Variants in MYT1L observed in about 807,000 individuals in gnomAD.
The protein encoded by MYT1L is myelin transcription factor 1 like, also known as myelin transcription factor 1-like protein.
Under a neutral mutation model 126.7 loss-of-function variants are expected in MYT1L, and 12 were observed. The ratio of observed to expected loss-of-function variants is 0.09; its 90% CI spans 0.06 to 0.15. MYT1L has a LOEUF of 0.15. MYT1L is among the 10% of genes least tolerant of loss of function. The pLI is 1.00. For missense variants in MYT1L, 979 were observed against 1,585.2 expected, an observed-to-expected ratio of 0.62 and a Z score of 6.49; for synonymous variants, 541 against 604.2, an observed-to-expected ratio of 0.90 and a Z score of 1.53.
chr2:2,192,135 C>T (rs1472261562), intron 2 of MYT1L, among the ~76,000 whole-genome samples: 1 of 152,212 alleles, frequency 6.6e-6, no homozygotes, highest in Non-Finnish European at 1.5e-5. Flanking sequence ...TGTACTTTGC[C>T]AGAACTTTCC....
Position 1,922,616 on chromosome 2 carries a change from G to A in MYT1L, c.1153C>T (p.Leu385=). The A allele has an allele frequency of 2.5e-6, 4 of 1,613,954 alleles. No homozygotes were observed. The highest frequency in any genetic ancestry group is 3.4e-6 in the Non-Finnish European group (4 of 1,179,888). ...GACCGGGGGCTCAACTGCTCCTCCA[G>A]CCGCATGAGGTTCAGCATGTCCGAG... is the stretch of plus-strand genomic sequence containing the variant. The part of the protein sequence containing the change: ...NYSDMLNLMR[L]EEQLSPRSRV... The change falls in exon 10 of 25, where the codon CTG becomes TTG. Residue 385 remains leucine (L), a synonymous_variant. Coordinates refer to ENST00000647738, the MANE Select transcript of MYT1L (RefSeq NM_001303052.2). This position sits in a 1 kb window ranked among gnomAD's most constrained non-coding sequence, Gnocchi z 7.4.
intron 2 of MYT1L, among the ~76,000 whole-genome samples, chr2:2,195,325 A>G (rs1473043095): frequency 6.6e-6 from 1 of 152,218 alleles, no homozygotes; most frequent in African/African-American, 2.4e-5. Flanking sequence ...TTGGGATCCC[A>G]TAGGATTACA....
intron 2 of MYT1L, among the ~76,000 whole-genome samples, chr2:2,214,136 G>GAAAC (rs1371436513): frequency 1.3e-5 from 2 of 151,774 alleles, no homozygotes; most frequent in Admixed American, 6.6e-5. Context: ...TTATCTAAAT[G>GAAAC]AAACAGAGAG....
intron 3 of MYT1L, among the ~76,000 whole-genome samples, chr2:2,106,481 G>A (rs1442037149): frequency 1.3e-5 from 2 of 152,144 alleles, no homozygotes; most frequent in Non-Finnish European, 2.9e-5. Flanking sequence ...AGCCAGGTGT[G>A]GTGGCGCATG....
chr2:1,841,692 C>T (rs1225919483), intron 19 of MYT1L: 1 of 152,218 alleles, frequency 6.6e-6, no homozygotes, highest in Non-Finnish European at 1.5e-5. Context: ...AGCGAGCGCA[C>T]ACGGATGCGT....
At chr2:2,117,834 A>T (rs1210942288) in intron 3 of MYT1L, among the ~76,000 whole-genome samples, 1 of 152,158 alleles carries the variant, frequency 6.6e-6, no homozygotes, top group East Asian at 1.9e-4. Context: ...GACAACCCCC[A>T]AAATAATGAG....
At chr2:1,972,761 C>T (rs762820769) in intron 8 of MYT1L, among the ~76,000 whole-genome samples, 2 of 152,234 alleles carry the variant, frequency 1.3e-5, no homozygotes, top group African/African-American at 2.4e-5. Context: ...AAGAGGCGTG[C>T]GGAATGGAGA....
rs1209712871 is a variant in MYT1L at position 2,319,092 on chromosome 2, A to G, written c.-521+11875T>C. On this transcript the variant is annotated intron_variant, in intron 1 of 24. Transcript: ENST00000647738. Reference sequence around the variant, plus strand: ...CCTTGTTTTGATGTTTCTGCAGCCAATGGTGAGCCGGTGGATAACCAGGTT... The same window carrying G: ...CCTTGTTTTGATGTTTCTGCAGCCAGTGGTGAGCCGGTGGATAACCAGGTT... 3.9e-5 allele frequency: 6 copies of G among 152,212 alleles called. No individual in the cohort carries two copies. In the East Asian group the frequency reaches 1.2e-3, roughly 29 times the overall value. The allele number at this position is 152,212 out of a possible 1,614,324, so 9.4% of individuals were successfully genotyped here.
intron 5 of MYT1L, among the ~76,000 whole-genome samples, chr2:1,994,942 C>G (rs1264039512): frequency 6.6e-6 from 1 of 151,940 alleles, no homozygotes; most frequent in Non-Finnish European, 1.5e-5. Flanking sequence ...AAAGAACAGA[C>G]AGAAAACTTA....
intron 2 of MYT1L, among the ~76,000 whole-genome samples, chr2:2,280,924 G>A (rs887756429): frequency 6.6e-6 from 1 of 152,158 alleles, no homozygotes; most frequent in African/African-American, 2.4e-5. Context: ...GCTTGCCTCG[G>A]TGCGGCCATA....
chr2:1,790,501 A>G lies in MYT1L; in HGVS notation c.*1366T>C, dbSNP rs2031876813. On this transcript the variant is annotated 3_prime_UTR_variant, in exon 25 of 25. Coordinates refer to ENST00000647738, the MANE Select transcript of MYT1L (RefSeq NM_001303052.2). ...CTAAGATGATCTAGTTTAAAGCAAAAAAGTGCTGAAGTATATTTAGTTACT... is the reference window on the plus strand; with the variant it reads ...CTAAGATGATCTAGTTTAAAGCAAAGAAGTGCTGAAGTATATTTAGTTACT... 2.0e-5 allele frequency: 3 copies of G among 152,274 alleles called. No homozygotes were observed. The South Asian group carries it at 6.2e-4, about 32-fold the overall frequency. The allele number at this position is 152,274 out of a possible 1,614,324, so 9.4% of individuals were successfully genotyped here.
At chr2:1,985,766 T>C (rs2060963951) in intron 5 of MYT1L, among the ~76,000 whole-genome samples, 1 of 152,212 alleles carries the variant, frequency 6.6e-6, no homozygotes, top group Admixed American at 6.5e-5. Flanking sequence ...GCAATAAAGA[T>C]GTCTTGTAAT....
intron 2 of MYT1L, among the ~76,000 whole-genome samples, chr2:2,188,040 A>T (rs2092334531): frequency 6.6e-6 from 1 of 152,216 alleles, no homozygotes; most frequent in Admixed American, 6.5e-5. Flanking sequence ...AGAGATTGGC[A>T]TAATAACACT....
At chr2:2,119,136 G>T (rs2080621797) in intron 3 of MYT1L, among the ~76,000 whole-genome samples, 1 of 152,202 alleles carries the variant, frequency 6.6e-6, no homozygotes, top group Non-Finnish European at 1.5e-5. Context: ...CACGCTAACA[G>T]GACATTTTCA....
rs142917521 is a variant in MYT1L at position 1,830,048 on chromosome 2, C to T, written c.3080+9101G>A. Among the ~76,000 whole-genome samples the T allele has an allele frequency of 2.1e-3, 316 of 152,294 alleles. 3 individuals are homozygous for T. The highest frequency in any genetic ancestry group is 0.016 in the East Asian group (82 of 5,178). On this transcript the variant is annotated intron_variant, in intron 21 of 24. Transcript: ENST00000647738. ...GTGCAGGAAGGAACAAAGGTCCCCA[C>T]GCACAGACATTGCAATGGAGCATGA... is the stretch of plus-strand genomic sequence containing the variant.
chr2:1,802,174 A>C (rs1435045275), intron 22 of MYT1L, among the ~76,000 whole-genome samples: 1 of 151,962 alleles, frequency 6.6e-6, no homozygotes, highest in Non-Finnish European at 1.5e-5. Flanking sequence ...CTCTCTCTCG[A>C]CTCGCTGTCT....
At chr2:1,891,960 C>T (rs2048937784) in intron 15 of MYT1L, 77 bp downstream of exon 15, 2 of 1,441,236 alleles carry the variant, frequency 1.4e-6, no homozygotes, top group Non-Finnish European at 1.8e-6. Flanking sequence ...CCGAAAGCGC[C>T]GCGTGTCTCG....
chr2:1,958,549 G>A (rs1341176269), intron 8 of MYT1L, among the ~76,000 whole-genome samples: 1 of 152,214 alleles, frequency 6.6e-6, no homozygotes, highest in Admixed American at 6.5e-5. Context: ...TGGAATCGGG[G>A]GGCCTTGAAG....
chr2:2,136,600 GTTCT>G (rs1459521166), intron 3 of MYT1L, among the ~76,000 whole-genome samples: 1 of 152,146 alleles, frequency 6.6e-6, no homozygotes, highest in Non-Finnish European at 1.5e-5. Context: ...ATCAATGTAT[GTTCT>G]TTCTCTATTA....
Sources: gnomAD v4.1 joint callset for allele counts (sites outside exome capture counted in the v4.1 genomes callset) on GRCh38, gnomAD v4.1.1 for gene constraint, Gnocchi (gnomAD v3.1) non-coding constraint, MANE v1.5 for transcripts, NCBI Gene and HGNC (gene_info 2026-07-23, HGNC 2026-07-21) for gene names.